CA10: variants seen among roughly 807,000 people sequenced by gnomAD.
CA10 encodes the protein carbonic anhydrase 10 (inactive).
CA10 carries 14 observed loss-of-function variants against 44.2 expected under a neutral mutation model. That is an observed-to-expected ratio of 0.32 (90% CI 0.21 to 0.50). The LOEUF (loss-of-function observed/expected upper bound fraction) is 0.50. Ranked by LOEUF, CA10 falls within the 20% of genes least tolerant of loss-of-function variation. The probability of loss-of-function intolerance (pLI) is 0.99; values close to 1 mark genes in which losing one functional copy is unlikely to be tolerated. For missense variants in CA10, 350 were observed against 409.7 expected, an observed-to-expected ratio of 0.85 and a Z score of 1.26; for synonymous variants, 159 against 141.6, an observed-to-expected ratio of 1.12 and a Z score of -0.87.
chr17:52,087,819 A>G (rs1022994188), intron 1 of CA10, among the ~76,000 whole-genome samples: 2 of 152,208 alleles, frequency 1.3e-5, no homozygotes, highest in Non-Finnish European at 2.9e-5. Flanking sequence ...CCCCTTATTT[A>G]TCAGATGGGG....
intron 2 of CA10, among the ~76,000 whole-genome samples, chr17:52,022,493 C>A (rs898637700): frequency 6.6e-6 from 1 of 152,006 alleles, no homozygotes; most frequent in African/African-American, 2.4e-5. Flanking sequence ...CCACAGCCAA[C>A]ACCATAATGA....
chr17:51,641,621 G>C (rs1460964225), intron 6 of CA10, among the ~76,000 whole-genome samples: 1 of 152,040 alleles, frequency 6.6e-6, no homozygotes, highest in Non-Finnish European at 1.5e-5. Context: ...CTGAACCTTT[G>C]GTTTTTTGAC....
chr17:51,752,078 T>C (rs1270293440), intron 3 of CA10, among the ~76,000 whole-genome samples: 1 of 152,048 alleles, frequency 6.6e-6, no homozygotes, highest in East Asian at 1.9e-4. Flanking sequence ...TACAACGAGA[T>C]GCAACACCCC....
chr17:52,100,449 A>G lies in CA10; in HGVS notation c.62-28056T>C, dbSNP rs1413180395. On this transcript the variant is annotated intron_variant, in intron 1 of 8. Coordinates refer to ENST00000451037, the MANE Select transcript of CA10 (RefSeq NM_020178.5). The stretch of plus-strand genomic sequence containing the variant: ...AAGGGCAACAGGACTCTCAAAAAAA[A>G]CAGACAAGCCAACACCTAGTGGGAC... Among the ~76,000 whole-genome samples, 9 of 152,062 alleles carry G rather than the reference A, an allele frequency of 5.9e-5. No homozygotes were observed. The East Asian group carries it at 1.7e-3, about 29-fold the overall frequency.
At chr17:52,047,822 A>C (rs774018119) in intron 2 of CA10, among the ~76,000 whole-genome samples, 2 of 151,964 alleles carry the variant, frequency 1.3e-5, no homozygotes, top group Non-Finnish European at 2.9e-5. Flanking sequence ...CTGATTAGAA[A>C]ACTCAGAATA....
chr17:51,851,121 G>A (rs189767568), intron 3 of CA10, among the ~76,000 whole-genome samples: 1 of 152,352 alleles, frequency 6.6e-6, no homozygotes, highest in African/African-American at 2.4e-5. Context: ...GGCAGACCCA[G>A]TTCCAAGCCT....
chr17:51,860,895 CTAAG>C (rs1012810442), intron 3 of CA10, among the ~76,000 whole-genome samples: 12 of 152,258 alleles, frequency 7.9e-5, no homozygotes, highest in Admixed American at 7.2e-4. Flanking sequence ...AGATATTACA[CTAAG>C]TATTTGACTT....
At chr17:51,868,982 A>C (rs1979683351) in intron 3 of CA10, among the ~76,000 whole-genome samples, 1 of 151,982 alleles carries the variant, frequency 6.6e-6, no homozygotes, top group African/African-American at 2.4e-5. Flanking sequence ...AATTTAAGTT[A>C]AGCTAATTAC....
intron 4 of CA10, among the ~76,000 whole-genome samples, chr17:51,659,993 C>G (rs1913940187): frequency 6.6e-6 from 1 of 152,162 alleles, no homozygotes; most frequent in South Asian, 2.1e-4. Flanking sequence ...AATACCAATT[C>G]TGCATCTCAT....
intron 4 of CA10, among the ~76,000 whole-genome samples, chr17:51,705,163 A>G (rs1915726083): frequency 1.3e-5 from 2 of 151,980 alleles, no homozygotes; most frequent in Non-Finnish European, 1.5e-5. Flanking sequence ...TAAACTTGCT[A>G]TGTTCCCTCT....
At chr17:51,777,413 G>T (rs1224952801) in intron 3 of CA10, among the ~76,000 whole-genome samples, 1 of 152,124 alleles carries the variant, frequency 6.6e-6, no homozygotes. Context: ...GTATTTGAGG[G>T]ATATAAAACC....
At chr17:51,801,603 T>C (rs1202694456) in intron 3 of CA10, among the ~76,000 whole-genome samples, 1 of 152,164 alleles carries the variant, frequency 6.6e-6, no homozygotes, top group Admixed American at 6.5e-5. Flanking sequence ...TCAGATACCT[T>C]CCTCAGAAAC....
chr17:52,135,287 G>T (rs1194178789), intron 1 of CA10, among the ~76,000 whole-genome samples: 2 of 152,130 alleles, frequency 1.3e-5, no homozygotes, highest in African/African-American at 4.8e-5. Context: ...ACCTGATGCT[G>T]CCCCTCCTTT....
intron 2 of CA10, among the ~76,000 whole-genome samples, chr17:52,067,300 C>A (rs748144333): frequency 6.6e-6 from 1 of 152,210 alleles, no homozygotes; most frequent in Admixed American, 6.5e-5. Flanking sequence ...CATGCTGTTG[C>A]TTCAAAGGGT....
intron 2 of CA10, among the ~76,000 whole-genome samples, chr17:51,982,757 T>C (rs1482943244): frequency 6.6e-6 from 1 of 151,906 alleles, no homozygotes; most frequent in African/African-American, 2.4e-5. Context: ...GTATTTTAAA[T>C]ATATTTGCTC....
At chr17:51,671,478 C>T (rs1361351249) in intron 4 of CA10, among the ~76,000 whole-genome samples, 2 of 152,098 alleles carry the variant, frequency 1.3e-5, no homozygotes, top group Admixed American at 6.5e-5. Context: ...GATCTTGGCT[C>T]ACTGCAAGCT....
rs560173236 is a variant in CA10 at position 51,915,180 on chromosome 17, A to G, written c.279+15810T>C. 2.0e-5 allele frequency among the ~76,000 whole-genome samples: 3 copies of G among 152,330 alleles called. No individual in the cohort carries two copies. In the South Asian group the frequency reaches 6.2e-4, roughly 32 times the overall value. ...ATTGAAAGGGGTCATCTTTATGCAC[A>G]TCTTATGCCTCATATCTGTTGATGT... On this transcript the variant is annotated intron_variant, in intron 3 of 8. Transcript: ENST00000451037.
intron 2 of CA10, among the ~76,000 whole-genome samples, chr17:52,026,871 A>G (rs911047501): frequency 1.3e-5 from 2 of 152,000 alleles, no homozygotes. Context: ...TATCATCAAC[A>G]TTTCTGGCAC....
At chr17:51,861,495 C>G (rs748966159) in intron 3 of CA10, among the ~76,000 whole-genome samples, 1 of 150,432 alleles carries the variant, frequency 6.6e-6, no homozygotes, top group Admixed American at 6.7e-5. Context: ...ATATTTTAAA[C>G]CTGCTGAGTT....
Sources: allele counts gnomAD v4.1 joint callset (sites outside exome capture counted in the v4.1 genomes callset), GRCh38; gene constraint gnomAD v4.1.1; transcripts MANE v1.5; gene names NCBI Gene and HGNC (gene_info 2026-07-23, HGNC 2026-07-21).